RUFY4: variants seen among roughly 807,000 people sequenced by gnomAD.
RUFY4 encodes the protein RUN and FYVE domain-containing protein 4.
In RUFY4, 73 loss-of-function variants were observed where a neutral mutation model predicts 69.0. The ratio of observed to expected loss-of-function variants is 1.06; its 90% CI spans 0.88 to 1.29. RUFY4 has a LOEUF of 1.29. RUFY4 is among the 50% of genes most tolerant of loss of function. The probability of loss-of-function intolerance (pLI) is 0.00; values close to 1 mark genes in which losing one functional copy is unlikely to be tolerated. For missense variants in RUFY4, 770 were observed against 705.6 expected (o/e 1.09, Z -1.03); for synonymous variants, 287 against 271.8 (o/e 1.06, Z -0.55).
At chr2:218,058,045 A>G (rs568479489) in intron 2 of RUFY4, among the ~76,000 whole-genome samples, 1 of 152,196 alleles carries the variant, frequency 6.6e-6, no homozygotes, top group African/African-American at 2.4e-5. Context: ...TGAATCAGAG[A>G]TTGTGTGCAT....
intron 3 of RUFY4, chr2:218,059,314 A>G (rs1259737628): frequency 6.3e-6 from 1 of 158,516 alleles, no homozygotes; most frequent in African/African-American, 2.4e-5. Context: ...TGTACAGTTT[A>G]GTGGCATTAA....
chr2:218,059,090 T>C (rs1689126923), intron 3 of RUFY4: 1 of 152,304 alleles, frequency 6.6e-6, no homozygotes, highest in Non-Finnish European at 1.5e-5. Context: ...TGCTCACTCT[T>C]GCCCCACTTC....
Position 218,073,808 on chromosome 2 carries a change from A to G in RUFY4, c.531-8A>G, listed in dbSNP as rs1177873189. On this transcript the variant is annotated splice_region_variant and splice_polypyrimidine_tract_variant and intron_variant, in intron 5 of 10. Transcript: ENST00000344321. ...GGCCCAGGGTCCCCCTGCCTCTTTC[A>G]CTTTCAGGTCACGCTGCTCCAGTTC... 2 of 1,613,834 alleles carry G rather than the reference A, an allele frequency of 1.2e-6. No individual in the cohort carries two copies. The highest frequency in any genetic ancestry group is 1.3e-5 in the African/African-American group (1 of 75,022).
intron 3 of RUFY4, among the ~76,000 whole-genome samples, chr2:218,061,930 C>G (rs373071100): frequency 2.6e-5 from 4 of 152,322 alleles, no homozygotes; most frequent in African/African-American, 2.4e-5. Context: ...TTTGTGCACC[C>G]TTCTGAAAGT....
Position 218,070,515 on chromosome 2 carries a change from T to A in RUFY4, c.-91T>A. ...CCCTCTGTAGGCTCTGCGTCCTGCTTTGTGTAAGGAGAGAGCTGGGCAGTG... is the reference window on the plus strand; with the variant it reads ...CCCTCTGTAGGCTCTGCGTCCTGCTATGTGTAAGGAGAGAGCTGGGCAGTG... On this transcript the variant is annotated 5_prime_UTR_variant, in exon 1 of 11. In the 5' UTR this introduces an upstream ATG that the reference lacks. Transcript: ENST00000344321. 3 of 1,125,502 alleles carry A rather than the reference T, an allele frequency of 2.7e-6. No homozygotes were observed. Among genetic ancestry groups the A allele is most frequent in the Non-Finnish European group, 3.9e-6 (3 of 772,960 alleles). 69.7% of individuals were successfully genotyped at this position (1,125,502 alleles called of 1,614,324 possible).
At chr2:218,078,482 G>A (rs538763223) in intron 8 of RUFY4, among the ~76,000 whole-genome samples, 11 of 152,200 alleles carry the variant, frequency 7.2e-5, no homozygotes, top group Non-Finnish European at 1.5e-4. Context: ...GGGAGAGGAT[G>A]TGGGAAAAGG....
At chr2:218,055,286 A>T (rs1277564662) in intron 2 of RUFY4, among the ~76,000 whole-genome samples, 2 of 151,974 alleles carry the variant, frequency 1.3e-5, no homozygotes, top group Non-Finnish European at 2.9e-5. Context: ...TCCCAGCTAC[A>T]CGGGAGGCTG....
intron 2 of RUFY4, among the ~76,000 whole-genome samples, chr2:218,039,175 T>C (rs1959023959): frequency 6.6e-6 from 1 of 152,176 alleles, no homozygotes; most frequent in South Asian, 2.1e-4. Context: ...CAGGAGAGTA[T>C]GATCTACCTT....
At chr2:218,076,398 C>T in intron 7 of RUFY4, 29 bp from the exon 10 acceptor site, 2 of 1,546,276 alleles carry the variant, frequency 1.3e-6, no homozygotes, top group African/African-American at 2.7e-5. Flanking sequence ...TCTCCTTCAG[C>T]CTCCTTCTCC....
At chr2:218,066,113 G>A (rs1442141844), upstream of RUFY4, among the ~76,000 whole-genome samples, 7 of 149,102 alleles carry the variant, frequency 4.7e-5, no homozygotes, top group East Asian at 2.0e-4. Context: ...GCTAGGTGGG[G>A]AAGGATGGTT....
upstream of RUFY4, chr2:218,070,289 T>A: frequency 2.6e-6 from 1 of 385,858 alleles, no homozygotes; most frequent in South Asian, 2.6e-5. Flanking sequence ...TTTCTCCTGG[T>A]CTAAAATGGA....
At chr2:218,049,965 A>T (rs1688908917) in intron 2 of RUFY4, among the ~76,000 whole-genome samples, 1 of 152,202 alleles carries the variant, frequency 6.6e-6, no homozygotes, top group South Asian at 2.1e-4. Flanking sequence ...CTGACCTTCA[A>T]ATCAAGGACA....
At chr2:218,060,543 G>T (rs1689157528) in intron 3 of RUFY4, 2 of 1,296,198 alleles carry the variant, frequency 1.5e-6, no homozygotes, top group South Asian at 1.2e-5. Context: ...CCAGGGCCTG[G>T]TTGATGTCGT....
chr2:218,064,367 TC>T (rs1689272676), upstream of RUFY4, among the ~76,000 whole-genome samples: 2 of 151,894 alleles, frequency 1.3e-5, no homozygotes, highest in African/African-American at 4.8e-5. Flanking sequence ...CCCACTCCTC[TC>T]CAACTCCCTG....
intron 8 of RUFY4, among the ~76,000 whole-genome samples, chr2:218,081,981 C>G (rs1270038510): frequency 6.6e-6 from 1 of 152,254 alleles, no homozygotes; most frequent in Non-Finnish European, 1.5e-5. Flanking sequence ...GGCACAGACA[C>G]GTACATGCAT....
intron 2 of RUFY4, among the ~76,000 whole-genome samples, chr2:218,050,598 G>A (rs1278729161): frequency 6.6e-6 from 1 of 152,156 alleles, no homozygotes; most frequent in African/African-American, 2.4e-5. Flanking sequence ...AAAATCCACA[G>A]CATTTCATGT....
intron 9 of RUFY4, 35 bp downstream of exon 11, chr2:218,083,291 T>TGGG: frequency 6.5e-7 from 1 of 1,548,742 alleles, no homozygotes; most frequent in Non-Finnish European, 8.7e-7. Flanking sequence ...GGGAAACAGA[T>TGGG]GGGGGAACGG....
chr2:218,083,906 GAGA>G (rs906560362), intron 9 of RUFY4, among the ~76,000 whole-genome samples: 2 of 151,896 alleles, frequency 1.3e-5, no homozygotes, highest in African/African-American at 4.8e-5. Context: ...AAGGAATTGG[GAGA>G]AGGAGGAAAA....
chr2:218,083,326 G>A (rs1032478860), intron 9 of RUFY4, 70 bp downstream of exon 11: 1 of 1,509,678 alleles, frequency 6.6e-7, no homozygotes, highest in Non-Finnish European at 8.9e-7. Context: ...CCCGGAGCGT[G>A]AAAATTCTAC....
Sources: gnomAD v4.1 joint callset for allele counts (sites outside exome capture counted in the v4.1 genomes callset) on GRCh38, gnomAD v4.1.1 for gene constraint, MANE v1.5 for transcripts, NCBI Gene and HGNC (gene_info 2026-07-23, HGNC 2026-07-21) for gene names.